The following SCYL3 variants were observed in gnomAD, a reference collection of about 807,000 sequenced individuals.
SCYL3 encodes the protein SCY1 like pseudokinase 3, also known as protein-associating with the carboxyl-terminal domain of ezrin.
SCYL3 carries 35 observed loss-of-function variants against 73.8 expected under a neutral mutation model. The observed-to-expected ratio is 0.47, with a 90% CI of 0.36 to 0.63. SCYL3 has a LOEUF of 0.63. Among genes scored for constraint, SCYL3 ranks in the 20% least tolerant of loss-of-function variants. The pLI is 0.00. For synonymous variants in SCYL3, 277 were observed against 295.2 expected (o/e 0.94, Z 0.63); for missense variants, 712 against 798.9 (o/e 0.89, Z 1.31).
At chr1:169,865,037 C>T (rs552601965) in intron 8 of SCYL3, among the ~76,000 whole-genome samples, 1 of 151,530 alleles carries the variant, frequency 6.6e-6, no homozygotes, top group Non-Finnish European at 1.5e-5. Context: ...CAATTCACAC[C>T]AGGAAATGTT....
rs1437116336 is a variant in SCYL3, at chr1:169,852,128, T to C, written c.*1585A>G. On this transcript the variant is annotated 3_prime_UTR_variant, in exon 13 of 13. Coordinates refer to ENST00000367771, the MANE Select transcript of SCYL3 (RefSeq NM_020423.7). Reference sequence around the variant, plus strand: ...AAGTGGGACTACACCATATCAAATATATTCTTTCAGTATGTTTGAATTATT... The same window carrying C: ...AAGTGGGACTACACCATATCAAATACATTCTTTCAGTATGTTTGAATTATT... 3 of 686,988 alleles carry C rather than the reference T, an allele frequency of 4.4e-6. No individual in the cohort carries two copies. Among genetic ancestry groups the C allele is most frequent in the Admixed American group, 2.7e-5 (1 of 37,012 alleles). The allele number at this position is 686,988 out of a possible 1,614,324, so 42.6% of individuals were successfully genotyped here.
intron 2 of SCYL3, among the ~76,000 whole-genome samples, chr1:169,887,265 A>G (rs1272705513): frequency 1.3e-5 from 2 of 152,210 alleles, no homozygotes; most frequent in Non-Finnish European, 2.9e-5. Context: ...TTAAGGGGGA[A>G]TAAGTCTTCC....
At chr1:169,879,015 T>C (rs1661058984) in intron 2 of SCYL3, among the ~76,000 whole-genome samples, 196 bp from the exon 3 acceptor site, 1 of 152,244 alleles carries the variant, frequency 6.6e-6, no homozygotes, top group Non-Finnish European at 1.5e-5. Context: ...AATTTACTAA[T>C]ATTTAAATGG....
Position 169,862,743 on chromosome 1 carries a change from C to G in SCYL3, c.1010G>C (p.Arg337Pro). ...CAACTGGAGAAGCACGGGGATCACC[C>G]GTGACTGGAACAGGGCTGGTGAGAG... ...CLLSPALFQSRVIPVLLQLFE... is the reference protein window; with the variant it reads ...CLLSPALFQSPVIPVLLQLFE... The change falls in exon 10 of 13, where the codon CGG (arginine) becomes CCG (proline). Residue 337 changes from arginine (R) to proline (P), a missense_variant. Transcript: ENST00000367771. 6.2e-7 allele frequency: 1 copy of G among 1,614,160 alleles called. No homozygotes were observed. The highest frequency in any genetic ancestry group is 8.5e-7 in the Non-Finnish European group (1 of 1,180,012).
Position 169,851,270 on chromosome 1 carries a change from A to G in SCYL3, c.*2443T>C, listed in dbSNP as rs558687165. On this transcript the variant is annotated 3_prime_UTR_variant, in exon 13 of 13. Coordinates refer to ENST00000367771, the MANE Select transcript of SCYL3 (RefSeq NM_020423.7). Reference sequence around the variant, plus strand: ...GAAACTGAATTATTTGATATATTACATGTAATGATGCACGTTATATATTTT... The same window carrying G: ...GAAACTGAATTATTTGATATATTACGTGTAATGATGCACGTTATATATTTT... The G allele has an allele frequency of 1.3e-5, 2 of 153,094 alleles. No homozygotes were observed. The highest frequency in any genetic ancestry group is 4.2e-4 in the South Asian group (2 of 4,798). The allele number at this position is 153,094 out of a possible 1,614,324, so 9.5% of individuals were successfully genotyped here. A position where few individuals can be genotyped will look rare whatever the true frequency, so the allele number is the denominator to read the frequency against.
Position 169,852,738 on chromosome 1 carries a change from G to C in SCYL3, c.*975C>G, listed in dbSNP as rs1343250634. On this transcript the variant is annotated 3_prime_UTR_variant, in exon 13 of 13. Transcript: ENST00000367771. ...AGCTTTACTCCAGTCCAAAAGGAAG[G>C]TTCTTTATATTTAGAATGGATATTG... The C allele has an allele frequency of 8.2e-6, 13 of 1,576,802 alleles. No individual in the cohort carries two copies. In the East Asian group the frequency reaches 2.5e-4, roughly 30 times the overall value.
Position 169,853,741 on chromosome 1 carries a change from TC to T in SCYL3, c.2038del (p.Glu680SerfsTer2). 6.2e-7 allele frequency: 1 copy of T among 1,613,702 alleles called. No homozygotes were observed. Among genetic ancestry groups the T allele is most frequent in the Non-Finnish European group, 8.5e-7 (1 of 1,179,830 alleles). On this transcript the variant is annotated frameshift_variant, in exon 13 of 13. Coordinates refer to ENST00000367771, the MANE Select transcript of SCYL3 (RefSeq NM_020423.7). LOFTEE classifies it high-confidence loss of function. ...CCAGTTATTATCTTCCCAGTTCAGC[TC>T]CCCTTCTTCTTCCCAGCCTTCAGCC... ...GEAEGWEEEG[E>X]LNWEDNNW
Position 169,870,311 on chromosome 1 carries a change from T to C in SCYL3, c.569A>G (p.Asp190Gly). 1 of 1,613,756 alleles carries C rather than the reference T, an allele frequency of 6.2e-7. No individual in the cohort carries two copies. Among genetic ancestry groups the C allele is most frequent in the South Asian group, 1.1e-5 (1 of 91,040 alleles). ...CACCAATGTTCCAAATGAAAAGGCA[T>C]CCCGGGCATGTCCATGACACTCTGG... ...TLPECHGHAR[D>G]AFSFGTLVES... is the part of the protein sequence containing the mutation. The change falls in exon 6 of 13, where the codon GAT (aspartate) becomes GGT (glycine). Residue 190 changes from aspartate to glycine, a missense_variant. Physicochemically the swap from Asp to Gly is moderately conservative, Grantham distance 94. Coordinates refer to ENST00000367771, the MANE Select transcript of SCYL3 (RefSeq NM_020423.7).
chr1:169,878,048 A>G (rs1381653223), intron 3 of SCYL3, among the ~76,000 whole-genome samples: 1 of 152,236 alleles, frequency 6.6e-6, no homozygotes, highest in Non-Finnish European at 1.5e-5. Flanking sequence ...TACTGTCAAG[A>G]AACAGACCAG....
chr1:169,882,748 A>C (rs1020431834), intron 2 of SCYL3, among the ~76,000 whole-genome samples: 8 of 152,106 alleles, frequency 5.3e-5, no homozygotes, highest in Non-Finnish European at 8.8e-5. Context: ...TCTGGTGGGG[A>C]CTTGGAGAAC....
intron 6 of SCYL3, 80 bp downstream of exon 6, chr1:169,870,175 T>C (rs1660295479): frequency 4.8e-6 from 5 of 1,048,254 alleles, no homozygotes; most frequent in African/African-American, 3.2e-5. Context: ...AAGACTGTAG[T>C]CCTTTGAATT....
intron 11 of SCYL3, among the ~76,000 whole-genome samples, chr1:169,855,454 T>G (rs1048881144): frequency 6.6e-5 from 10 of 152,206 alleles, no homozygotes; most frequent in African/African-American, 2.4e-4. Flanking sequence ...TTCCCCAAAC[T>G]TATTTAACCA....
At chr1:169,875,846 G>T in intron 4 of SCYL3, 132 bp downstream of exon 4, 1 of 459,438 alleles carries the variant, frequency 2.2e-6, no homozygotes. Flanking sequence ...CTATAAATGA[G>T]GGCACTGACA....
At chr1:169,869,985 T>TA (rs1660282657) in intron 6 of SCYL3, among the ~76,000 whole-genome samples, 1 of 152,230 alleles carries the variant, frequency 6.6e-6, no homozygotes, top group Non-Finnish European at 1.5e-5. Context: ...ACCGCTTAAG[T>TA]ACTATTACCA....
rs1658219964 is a variant in SCYL3, at chr1:169,851,049, T to TTTTTTG, written c.*2663_*2664insCAAAAA. The TTTTTTG allele has an allele frequency of 1.8e-5, 1 of 54,962 alleles. No individual in the cohort carries two copies. Among genetic ancestry groups the TTTTTTG allele is most frequent in the Non-Finnish European group, 3.2e-5 (1 of 30,858 alleles). 3.4% of individuals were successfully genotyped at this position (54,962 alleles called of 1,614,324 possible). ...AGCCAGGGTAAGCTCAGGGCCCTTTTTTTTTTTTTTTTTTTTTTTTTTTTG... is the reference window on the plus strand; with the variant it reads ...AGCCAGGGTAAGCTCAGGGCCCTTTTTTTTTGTTTTTTTTTTTTTTTTTTTTTTTTG... On this transcript the variant is annotated 3_prime_UTR_variant, in exon 13 of 13. Coordinates refer to ENST00000367771, the MANE Select transcript of SCYL3 (RefSeq NM_020423.7).
Position 169,853,076 on chromosome 1 carries a change from T to G in SCYL3, c.*637A>C. Reference sequence around the variant, plus strand: ...TTTTCTAACAGATATAAAACAAATTTTGTAAAGTTGAATCTAGTGAAAATA... The same window carrying G: ...TTTTCTAACAGATATAAAACAAATTGTGTAAAGTTGAATCTAGTGAAAATA... On this transcript the variant is annotated 3_prime_UTR_variant, in exon 13 of 13. Transcript: ENST00000367771. The G allele has an allele frequency of 8.0e-7, 1 of 1,255,128 alleles. No homozygotes were observed. The highest frequency in any genetic ancestry group is 1.1e-6 in the Non-Finnish European group (1 of 881,856). The allele number at this position is 1,255,128 out of a possible 1,614,324, so 77.7% of individuals were successfully genotyped here.
intron 11 of SCYL3, 57 bp downstream of exon 11, chr1:169,858,984 A>G: frequency 6.7e-7 from 1 of 1,482,392 alleles, no homozygotes; most frequent in South Asian, 1.2e-5. Flanking sequence ...TACTTATATA[A>G]TACTAAAAAT....
rs755751954 is a variant in SCYL3, at chr1:169,866,969, C to A, written c.742G>T (p.Asp248Tyr). The change falls in exon 8 of 13, where the codon GAT becomes TAT. Residue 248 changes from aspartate to tyrosine, a missense_variant. This residue lies in a region of SCYL3 where 342 missense variants were observed against 448.1 expected (regional missense o/e 0.76). Transcript: ENST00000367771. The stretch of plus-strand genomic sequence containing the variant: ...AAGAAATTCACAACTTCCAGAAAAT[C>A]ATTTCTAAATGCCAAAAAGAGAAGG... Reference protein sequence around the residue: ...TLLSHDFFRNDFLEVVNFLKS... With the variant: ...TLLSHDFFRNYFLEVVNFLKS... 2 of 1,575,904 alleles carry A rather than the reference C, an allele frequency of 1.3e-6. No individual in the cohort carries two copies. The highest frequency in any genetic ancestry group is 1.7e-5 in the Admixed American group (1 of 57,434).
chr1:169,853,059 C>A lies in SCYL3; in HGVS notation c.*654G>T. The A allele has an allele frequency of 6.8e-7, 1 of 1,476,256 alleles. No individual in the cohort carries two copies. Among genetic ancestry groups the A allele is most frequent in the Non-Finnish European group, 9.4e-7 (1 of 1,069,430 alleles). 91.4% of individuals were successfully genotyped at this position (1,476,256 alleles called of 1,614,324 possible). A position where few individuals can be genotyped will look rare whatever the true frequency, so the allele number is the denominator to read the frequency against. On this transcript the variant is annotated 3_prime_UTR_variant, in exon 13 of 13. Transcript: ENST00000367771. ...ATACTTATGTCTGTACATTTTCTAA[C>A]AGATATAAAACAAATTTTGTAAAGT...
Sources: gnomAD v4.1 joint callset for allele counts (sites outside exome capture counted in the v4.1 genomes callset) on GRCh38, gnomAD v4.1.1 for gene constraint, gnomAD v4.1.1 regional missense constraint, MANE v1.5 for transcripts, NCBI Gene and HGNC (gene_info 2026-07-23, HGNC 2026-07-21) for gene names.